APBA2: variants seen among roughly 807,000 people sequenced by gnomAD.
APBA2 encodes amyloid beta precursor protein binding family A member 2, also known as amyloid-beta A4 precursor protein-binding family A member 2.
A neutral mutation model predicts 75.0 loss-of-function variants in APBA2; 30 were observed. The ratio of observed to expected loss-of-function variants is 0.40; its 90% CI spans 0.30 to 0.54. The LOEUF is 0.54. APBA2 is among the 20% of genes least tolerant of loss of function. The pLI, the probability that APBA2 is intolerant of heterozygous loss-of-function variation, is 0.49. For missense variants in APBA2, 801 were observed against 1,016.1 expected (o/e 0.79, Z 2.88); for synonymous variants, 444 against 409.6 (o/e 1.08, Z -1.01).
intron 3 of APBA2, among the ~76,000 whole-genome samples, chr15:28,996,189 G>C (rs1181525529): frequency 6.6e-6 from 1 of 152,210 alleles, no homozygotes; most frequent in Non-Finnish European, 1.5e-5. Flanking sequence ...CCTAGTTACA[G>C]CGAAAGTAGA....
At chr15:29,068,947 C>A (rs1272289892) in intron 4 of APBA2, among the ~76,000 whole-genome samples, 1 of 152,194 alleles carries the variant, frequency 6.6e-6, no homozygotes, top group East Asian at 1.9e-4. Flanking sequence ...ACCACCTCTG[C>A]TCTTTAGTTC....
At chr15:29,028,068 A>G (rs763645447) in intron 3 of APBA2, among the ~76,000 whole-genome samples, 5 of 151,676 alleles carry the variant, frequency 3.3e-5, no homozygotes, top group Non-Finnish European at 5.9e-5. Flanking sequence ...AACGTGTGCC[A>G]TGGTGGTTTG....
chr15:28,886,052 G>T lies in APBA2; in HGVS notation c.-431G>T, dbSNP rs979160593. 29 of 149,158 alleles carry T rather than the reference G, an allele frequency of 1.9e-4. No homozygotes were observed. Among genetic ancestry groups the T allele is most frequent in the African/African-American group, 6.8e-4 (28 of 41,160 alleles). The allele number at this position is 149,158 out of a possible 1,614,324, so 9.2% of individuals were successfully genotyped here. The stretch of plus-strand genomic sequence containing the variant: ...GCAGCCGCAGGCCGGTGCGGGATGC[G>T]CCCCGCAGCCGCGCCGCGTGCGCCC... On this transcript the variant is annotated 5_prime_UTR_variant, in exon 1 of 15. Coordinates refer to ENST00000683413, the MANE Select transcript of APBA2 (RefSeq NM_001353788.2).
chr15:29,009,052 G>A lies in APBA2; in HGVS notation c.-41+13246G>A, dbSNP rs147119504. Among the ~76,000 whole-genome samples, 458 of 152,330 alleles carry A rather than the reference G, an allele frequency of 3.0e-3. 1 individual carries two copies. The highest frequency in any genetic ancestry group is 0.01 in the African/African-American group (436 of 41,590). Reference sequence around the variant, plus strand: ...ACTAACATGGGGATCCTCCCCAAGAGCCTTGGATCCCCTAGTGCACCAAAG... The same window carrying A: ...ACTAACATGGGGATCCTCCCCAAGAACCTTGGATCCCCTAGTGCACCAAAG... On this transcript the variant is annotated intron_variant, in intron 3 of 14. Transcript: ENST00000683413.
chr15:28,937,479 G>A (rs576425107), intron 2 of APBA2, among the ~76,000 whole-genome samples: 1 of 152,126 alleles, frequency 6.6e-6, no homozygotes, highest in Admixed American at 6.5e-5. Context: ...GCTCTGGGGA[G>A]CTGTGCCCAG....
intron 2 of APBA2, among the ~76,000 whole-genome samples, chr15:28,975,901 C>T (rs1281647402): frequency 6.6e-6 from 1 of 152,222 alleles, no homozygotes; most frequent in African/African-American, 2.4e-5. Flanking sequence ...ATTCAGATTG[C>T]TCCACCCCTG....
chr15:28,962,512 T>G (rs1311871807), intron 2 of APBA2, among the ~76,000 whole-genome samples: 1 of 152,064 alleles, frequency 6.6e-6, no homozygotes, highest in East Asian at 1.9e-4. Context: ...GAGGTTACAG[T>G]GAGCAGAGAT....
At chr15:28,886,878 C>A (rs1197446748) in intron 1 of APBA2, among the ~76,000 whole-genome samples, 3 of 152,238 alleles carry the variant, frequency 2.0e-5, no homozygotes, top group Non-Finnish European at 2.9e-5. Flanking sequence ...CTCGGCCTGG[C>A]CCCTTCCCCA....
chr15:28,997,796 A>G (rs1202390916), intron 3 of APBA2, among the ~76,000 whole-genome samples: 1 of 152,198 alleles, frequency 6.6e-6, no homozygotes, highest in Admixed American at 6.5e-5. Context: ...TGTATCCTGA[A>G]ATACTATTAG....
chr15:29,050,220 T>G (rs1181301235), intron 3 of APBA2, among the ~76,000 whole-genome samples: 3 of 152,168 alleles, frequency 2.0e-5, no homozygotes, highest in African/African-American at 7.2e-5. Flanking sequence ...TAGAAGATAG[T>G]GGAACAGTGT....
chr15:29,011,023 C>T (rs2039378061), intron 3 of APBA2, among the ~76,000 whole-genome samples: 1 of 152,124 alleles, frequency 6.6e-6, no homozygotes, highest in African/African-American at 2.4e-5. Flanking sequence ...TCTCCTTGCC[C>T]CAGCCTCTGG....
intron 2 of APBA2, among the ~76,000 whole-genome samples, chr15:28,942,732 C>G (rs950574453): frequency 9.9e-5 from 15 of 152,190 alleles, no homozygotes; most frequent in African/African-American, 2.7e-4. Flanking sequence ...TATCCTTACC[C>G]CAGGACCCGA....
In APBA2 at chr15:29,117,341, ATGTT is replaced by A. The variant is rs985785488; in HGVS notation, c.*216_*219del. The stretch of plus-strand genomic sequence containing the variant: ...TTATCAAAGGAGAGTCACAGAACAA[ATGTT>A]TGTTTGTAAAGCGTTCCAAGTATTT... On this transcript the variant is annotated 3_prime_UTR_variant, in exon 15 of 15. Coordinates refer to ENST00000683413, the MANE Select transcript of APBA2 (RefSeq NM_001353788.2). 1.8e-4 allele frequency: 108 copies of A among 601,348 alleles called. No individual in the cohort carries two copies. The highest frequency in any genetic ancestry group is 1.1e-3 in the East Asian group (41 of 36,056). The allele number at this position is 601,348 out of a possible 1,614,324, so 37.3% of individuals were successfully genotyped here. A position where few individuals can be genotyped will look rare whatever the true frequency, so the allele number is the denominator to read the frequency against.
At chr15:29,002,989 G>A (rs2038929642) in intron 3 of APBA2, among the ~76,000 whole-genome samples, 1 of 152,128 alleles carries the variant, frequency 6.6e-6, no homozygotes, top group Admixed American at 6.5e-5. Flanking sequence ...TATAACTGAA[G>A]CGTGGACAGA....
At chr15:28,984,563 C>T (rs1281824536) in intron 2 of APBA2, among the ~76,000 whole-genome samples, 1 of 152,016 alleles carries the variant, frequency 6.6e-6, no homozygotes, top group African/African-American at 2.4e-5. Flanking sequence ...CCAACTCAGA[C>T]CAGTGGAGGG....
chr15:29,058,698 C>G (rs1020101855), intron 4 of APBA2, among the ~76,000 whole-genome samples: 9 of 151,510 alleles, frequency 5.9e-5, no homozygotes. Context: ...ATGAGAGGCA[C>G]AAAGGTGATA....
At chr15:28,920,836 A>G (rs113903972) in intron 1 of APBA2, among the ~76,000 whole-genome samples, 4,864 of 152,200 alleles carry the variant, frequency 0.032, 224 homozygotes, top group African/African-American at 0.11. Context: ...CATCCTTCAT[A>G]ATAAGGAAAC....
intron 3 of APBA2, among the ~76,000 whole-genome samples, chr15:29,035,497 G>C (rs2040700611): frequency 6.6e-6 from 1 of 152,116 alleles, no homozygotes; most frequent in Non-Finnish European, 1.5e-5. Context: ...TGTTCAGTGA[G>C]GGTGGAATTA....
chr15:28,950,936 T>C (rs2035833384), intron 2 of APBA2, among the ~76,000 whole-genome samples: 1 of 152,376 alleles, frequency 6.6e-6, no homozygotes, highest in East Asian at 1.9e-4. Flanking sequence ...TTTGACTATA[T>C]GAAGCTCTTT....
Sources: gnomAD v4.1 joint callset for allele counts (sites outside exome capture counted in the v4.1 genomes callset) on GRCh38, gnomAD v4.1.1 for gene constraint, MANE v1.5 for transcripts, NCBI Gene and HGNC (gene_info 2026-07-23, HGNC 2026-07-21) for gene names.